The following CASP10 variants were observed in gnomAD, a reference collection of about 807,000 sequenced individuals.
CASP10 encodes the protein caspase 10, also known as caspase-10.
CASP10 carries 41 observed loss-of-function variants against 48.5 expected under a neutral mutation model. That is an observed-to-expected ratio of 0.85 (90% CI 0.66 to 1.10). The LOEUF (loss-of-function observed/expected upper bound fraction) is 1.10. Ranked by LOEUF, CASP10 falls within the 50% of genes least tolerant of loss-of-function variation. The pLI, the probability that CASP10 is intolerant of heterozygous loss-of-function variation, is 0.00. For missense variants in CASP10, 614 were observed against 614.5 expected (o/e 1.00, Z 0.01); for synonymous variants, 232 against 238.4 (o/e 0.97, Z 0.25).
At chr2:201,210,923 G>GT (rs926887023) in intron 9 of CASP10, among the ~76,000 whole-genome samples, 8 of 151,714 alleles carry the variant, frequency 5.3e-5, no homozygotes, top group African/African-American at 1.5e-4. Flanking sequence ...GCAATGTGTG[G>GT]TTTTTTTTGG....
At chr2:201,190,704 G>A (rs1284220803) in intron 3 of CASP10, among the ~76,000 whole-genome samples, 3 of 152,070 alleles carry the variant, frequency 2.0e-5, no homozygotes, top group Non-Finnish European at 4.4e-5. Flanking sequence ...GGTGAGGGAC[G>A]AGAGAAAGGT....
At chr2:201,210,678 A>G (rs909559123) in intron 9 of CASP10, among the ~76,000 whole-genome samples, 17 of 152,158 alleles carry the variant, frequency 1.1e-4, no homozygotes, top group African/African-American at 3.9e-4. Context: ...GCTAATGTCT[A>G]TGGCTTCAGG....
At chr2:201,226,511 T>C (rs1002468644), downstream of CASP10, among the ~76,000 whole-genome samples, 9 of 152,166 alleles carry the variant, frequency 5.9e-5, no homozygotes, top group Non-Finnish European at 1.3e-4. Flanking sequence ...CAGGGTCTTG[T>C]TATGTTGTGC....
chr2:201,197,306 A>G lies in CASP10; in HGVS notation c.684+1358A>G, dbSNP rs143945019. ...ACCATATAATGAAACCAATTTTACC[A>G]TAGGCTCATTGATATAAACAAGAGT... On this transcript the variant is annotated intron_variant, in intron 5 of 9. Coordinates refer to ENST00000286186, the MANE Select transcript of CASP10 (RefSeq NM_032977.4). Among the ~76,000 whole-genome samples the G allele has an allele frequency of 2.5e-3, 375 of 152,218 alleles. 6 individuals carry two copies. The highest frequency in any genetic ancestry group is 0.021 in the Admixed American group (318 of 15,292).
rs1944395476 is a variant in CASP10 at position 201,185,820 on chromosome 2, A to T, written c.43A>T (p.Asn15Tyr). The T allele has an allele frequency of 5.6e-6, 9 of 1,613,976 alleles. No individual in the cohort carries two copies. The highest frequency in any genetic ancestry group is 1.3e-5 in the African/African-American group (1 of 74,880). ...GQHWYSSSDK[N>Y]CKVSFREKLL... is the part of the protein sequence containing the mutation. ...ACATTGGTATTCCAGTTCAGATAAA[A>T]ACTGTAAAGTGAGCTTTCGTGAGAA... is the stretch of plus-strand genomic sequence containing the variant. Residue 15 changes from asparagine (N) to tyrosine (Y), a missense_variant, in exon 2 of 10, where the codon AAC becomes TAC. Coordinates refer to ENST00000286186, the MANE Select transcript of CASP10 (RefSeq NM_032977.4).
rs1267138072 is a variant in CASP10 at position 201,204,575 on chromosome 2, T to G, written c.721+809T>G. Among the ~76,000 whole-genome samples the G allele has an allele frequency of 3.3e-5, 5 of 152,202 alleles. No individual in the cohort carries two copies. In the South Asian group the frequency reaches 1.0e-3, roughly 32 times the overall value. ...AGGTAGGTAATACTGTTATTCTCAC[T>G]AATGATGAGGAAACTGAGACCCATG... On this transcript the variant is annotated intron_variant, in intron 6 of 9. Transcript: ENST00000286186.
chr2:201,219,916 TG>T lies in CASP10; in HGVS notation c.*2177del, dbSNP rs528903184. 2.9e-4 allele frequency: 285 copies of T among 985,430 alleles called. No homozygotes were observed. The highest frequency in any genetic ancestry group is 6.8e-4 in the Admixed American group (11 of 16,286). The allele number at this position is 985,430 out of a possible 1,614,324, so 61.0% of individuals were successfully genotyped here. A position where few individuals can be genotyped will look rare whatever the true frequency, so the allele number is the denominator to read the frequency against. ...TGGATTTGACTTCAGCCAGGTGAAC[TG>T]GAATGCCTTGGGGCGTGGAAGGGCA... On this transcript the variant is annotated 3_prime_UTR_variant, in exon 10 of 10. Coordinates refer to ENST00000286186, the MANE Select transcript of CASP10 (RefSeq NM_032977.4).
At position 201,195,941 on chromosome 2, in the gene CASP10, C is replaced by A. The variant is rs1944778741; in HGVS notation, c.677C>A (p.Ala226Asp). The A allele has an allele frequency of 6.2e-7, 1 of 1,610,296 alleles. No homozygotes were observed. Among genetic ancestry groups the A allele is most frequent in the Non-Finnish European group, 8.5e-7 (1 of 1,176,736 alleles). Residue 226 changes from alanine (A) to aspartate (D), a missense_variant, in exon 5 of 10, where the codon GCC becomes GAC. Physicochemically the swap from Ala to Asp is moderately radical, Grantham distance 126. Transcript: ENST00000286186. ...SQTDVKTFLE[A>D]LPQESWQNKH... is the part of the protein sequence containing the mutation. ...ACAGATGTTAAGACATTCTTGGAAG[C>A]CTTACCGGTAGGTTCAGTGGTGTGC... is the stretch of plus-strand genomic sequence containing the variant.
intron 9 of CASP10, 26 bp from the exon 10 acceptor site, chr2:201,217,562 A>C (rs890734917): frequency 3.2e-6 from 5 of 1,582,878 alleles, no homozygotes; most frequent in Non-Finnish European, 4.3e-6. Flanking sequence ...CCGTAAAAAA[A>C]AATTTTGTTT....
chr2:201,212,164 G>C (rs1304347014), intron 9 of CASP10: 1 of 152,216 alleles, frequency 6.6e-6, no homozygotes, highest in Non-Finnish European at 1.5e-5. Context: ...GGCCAGGCTG[G>C]TCTGGAACTC....
intron 6 of CASP10, among the ~76,000 whole-genome samples, chr2:201,205,234 T>TC (rs1035549850): frequency 6.6e-6 from 1 of 151,154 alleles, no homozygotes; most frequent in Non-Finnish European, 1.5e-5. Flanking sequence ...TTTTCTTTTT[T>TC]TTTTTTTTGA....
Position 201,193,128 on chromosome 2 carries a change from C to A in CASP10, c.577+9C>A. 6.2e-7 allele frequency: 1 copy of A among 1,612,504 alleles called. No homozygotes were observed. Among genetic ancestry groups the A allele is most frequent in the Non-Finnish European group, 8.5e-7 (1 of 1,178,936 alleles). On this transcript the variant is annotated intron_variant, in intron 4 of 9. Coordinates refer to ENST00000286186, the MANE Select transcript of CASP10 (RefSeq NM_032977.4). ...ATACAAAAGAGAGAAAGGTAAGTAG[C>A]TTGTGATTGCTAACTTGGACCAGAC...
chr2:201,220,204 C>G lies in CASP10; in HGVS notation c.*2463C>G. On this transcript the variant is annotated 3_prime_UTR_variant, in exon 10 of 10. Transcript: ENST00000286186. ...CCGTCATCTTAGACAAACACCGCCA[C>G]TTTAAGTTCCAGTTCCCTTTCTAGC... 1.1e-6 allele frequency: 1 copy of G among 936,290 alleles called. No homozygotes were observed. Among genetic ancestry groups the G allele is most frequent in the Non-Finnish European group, 1.3e-6 (1 of 785,194 alleles). The allele number at this position is 936,290 out of a possible 1,614,324, so 58.0% of individuals were successfully genotyped here. A position where few individuals can be genotyped will look rare whatever the true frequency, so the allele number is the denominator to read the frequency against.
At chr2:201,208,405 G>C in intron 8 of CASP10, 1 of 984,350 alleles carries the variant, frequency 1.0e-6, no homozygotes, top group Non-Finnish European at 1.2e-6. Context: ...ATGTACTGGG[G>C]GAGAGCCTGC....
chr2:201,215,039 A>G (rs1349821718), intron 9 of CASP10: 2 of 151,980 alleles, frequency 1.3e-5, no homozygotes, highest in Non-Finnish European at 2.9e-5. Flanking sequence ...GACCATTTGT[A>G]TGTCTTCTTT....
chr2:201,226,158 T>C (rs188719511), downstream of CASP10, among the ~76,000 whole-genome samples: 6 of 152,188 alleles, frequency 3.9e-5, no homozygotes, highest in Non-Finnish European at 8.8e-5. Flanking sequence ...GCAAAAAATA[T>C]GAACCAGTAA....
chr2:201,229,262 C>T, exon 10 of CASP10: 1 of 677,298 alleles, frequency 1.5e-6, no homozygotes, highest in South Asian at 1.8e-5. Flanking sequence ...GTACCTGTGT[C>T]ATCTTTCTTG....
chr2:201,213,691 G>A (rs184966322), intron 9 of CASP10: 1 of 152,318 alleles, frequency 6.6e-6, no homozygotes, highest in East Asian at 1.9e-4. Context: ...CAGAATAGTA[G>A]GGACGAAGTA....
chr2:201,229,184 G>T lies in CASP10; in HGVS notation c.*101G>T, dbSNP rs146444964. On this transcript the variant is annotated 3_prime_UTR_variant, in exon 10 of 10. Transcript: ENST00000272879. ...AAACCTCCCTTTACAGCACCACCTT[G>T]CGATTCTGCAGCCACAAAGTTGAGA... 331 of 1,451,066 alleles carry T rather than the reference G, an allele frequency of 2.3e-4. 2 individuals are homozygous for T. The East Asian group carries it at 7.3e-3, about 32-fold the overall frequency. The allele number at this position is 1,451,066 out of a possible 1,614,324, so 89.9% of individuals were successfully genotyped here. A position where few individuals can be genotyped will look rare whatever the true frequency, so the allele number is the denominator to read the frequency against.
Sources: allele counts gnomAD v4.1 joint callset (sites outside exome capture counted in the v4.1 genomes callset), GRCh38; gene constraint gnomAD v4.1.1; transcripts MANE v1.5; gene names NCBI Gene and HGNC (gene_info 2026-07-23, HGNC 2026-07-21).